ABCA13: variants seen among roughly 807,000 people sequenced by gnomAD.
ABCA13 encodes the protein ATP-binding cassette sub-family A member 13.
A neutral mutation model predicts 478.7 loss-of-function variants in ABCA13; 476 were observed. The ratio of observed to expected loss-of-function variants is 0.99; its 90% CI spans 0.92 to 1.07. ABCA13 has a LOEUF of 1.07. Among genes scored for constraint, ABCA13 ranks in the 50% least tolerant of loss-of-function variants. The pLI is 0.00. For synonymous variants in ABCA13, 2,252 were observed against 2,158.9 expected (o/e 1.04, Z -1.20); for missense variants, 6,060 against 5,910.6 (o/e 1.03, Z -0.83).
Position 48,210,868 on chromosome 7 carries a change from T to C in ABCA13, c.288-8486T>C, listed in dbSNP as rs181329254. Among the ~76,000 whole-genome samples the C allele has an allele frequency of 1.8e-3, 276 of 152,304 alleles. 1 individual carries two copies. The highest frequency in any genetic ancestry group is 4.1e-3 in the Admixed American group (63 of 15,288). ...TTTATTAGGTTCATTTCATCTATAG[T>C]GTAGATAAAATCAAATGATTCTTCA... On this transcript the variant is annotated intron_variant, in intron 3 of 61. Transcript: ENST00000435803.
intron 38 of ABCA13, among the ~76,000 whole-genome samples, chr7:48,401,865 A>G (rs1210403289): frequency 1.3e-5 from 2 of 152,202 alleles, no homozygotes; most frequent in African/African-American, 4.8e-5. Context: ...AAACAGAAGT[A>G]AAAATACAGA....
At chr7:48,191,376 G>A (rs36127502) in intron 1 of ABCA13, among the ~76,000 whole-genome samples, 39,235 of 152,014 alleles carry the variant, frequency 0.26, 5,505 homozygotes, top group East Asian at 0.49. Flanking sequence ...ATACTTCCTC[G>A]TGGAATATTT....
Position 48,619,462 on chromosome 7 carries a change from C to T in ABCA13, c.14837+4085C>T, listed in dbSNP as rs1050160276. On this transcript the variant is annotated intron_variant, in intron 59 of 61. Coordinates refer to ENST00000435803, the MANE Select transcript of ABCA13 (RefSeq NM_152701.5). ...GTCAATCAATATTAGATCTTTTGCTCGTAAAACTGAGGCTGTTTGCTTCTG... is the reference window on the plus strand; with the variant it reads ...GTCAATCAATATTAGATCTTTTGCTTGTAAAACTGAGGCTGTTTGCTTCTG... Among the ~76,000 whole-genome samples, 8 of 152,114 alleles carry T rather than the reference C, an allele frequency of 5.3e-5. 1 individual carries two copies. The South Asian group carries it at 6.2e-4, about 12-fold the overall frequency.
chr7:48,369,283 A>C (rs1443182700), intron 32 of ABCA13, among the ~76,000 whole-genome samples: 1 of 151,874 alleles, frequency 6.6e-6, no homozygotes, highest in East Asian at 1.9e-4. Flanking sequence ...TAGATTCTGG[A>C]TATTAGTCAT....
At chr7:48,252,870 G>A (rs934585830) in intron 15 of ABCA13, among the ~76,000 whole-genome samples, 2 of 151,912 alleles carry the variant, frequency 1.3e-5, no homozygotes, top group African/African-American at 4.8e-5. Flanking sequence ...TTTTATTTTG[G>A]TATGTCTTGA....
chr7:48,622,490 AGT>A (rs1265202680), intron 59 of ABCA13, among the ~76,000 whole-genome samples: 3 of 152,118 alleles, frequency 2.0e-5, no homozygotes, highest in African/African-American at 7.2e-5. Context: ...AAATCTGTAG[AGT>A]GTGTCCTAAC....
intron 43 of ABCA13, among the ~76,000 whole-genome samples, chr7:48,460,450 C>G (rs894463784): frequency 2.0e-5 from 3 of 152,140 alleles, no homozygotes; most frequent in Admixed American, 6.5e-5. Context: ...TCACTCCAGT[C>G]TCAGCCTCCT....
rs2131711809 is a variant in ABCA13 at position 48,646,122 on chromosome 7, CT to C, written c.*614del. 1 of 152,126 alleles carries C rather than the reference CT, an allele frequency of 6.6e-6. No homozygotes were observed. Among genetic ancestry groups the C allele is most frequent in the East Asian group, 1.9e-4 (1 of 5,194 alleles). The allele number at this position is 152,126 out of a possible 1,614,324, so 9.4% of individuals were successfully genotyped here. A position where few individuals can be genotyped will look rare whatever the true frequency, so the allele number is the denominator to read the frequency against. On this transcript the variant is annotated 3_prime_UTR_variant, in exon 62 of 62. Transcript: ENST00000435803. ...TTTAAAAAAATAGGTTTTAAGAGCT[CT>C]TTTAGTATACACTTTAGCAAAATTA... is the stretch of plus-strand genomic sequence containing the variant.
chr7:48,212,924 A>G (rs1785889677), intron 3 of ABCA13, among the ~76,000 whole-genome samples: 1 of 152,064 alleles, frequency 6.6e-6, no homozygotes, highest in Non-Finnish European at 1.5e-5. Context: ...ATTTTGATAA[A>G]ATATAATTTA....
chr7:48,624,345 T>C (rs10216285), intron 59 of ABCA13, among the ~76,000 whole-genome samples: 62,221 of 151,828 alleles, frequency 0.41, 13,513 homozygotes, highest in African/African-American at 0.54. Context: ...GCATGCGGCA[T>C]CTATTTGCTT....
intron 45 of ABCA13, among the ~76,000 whole-genome samples, chr7:48,476,982 C>G (rs1338841345): frequency 6.6e-6 from 1 of 152,150 alleles, no homozygotes; most frequent in Non-Finnish European, 1.5e-5. Context: ...TGCTAAGCAG[C>G]TCAGTTACAA....
chr7:48,608,499 T>A (rs1004511986), intron 58 of ABCA13, among the ~76,000 whole-genome samples: 1 of 152,226 alleles, frequency 6.6e-6, no homozygotes, highest in Non-Finnish European at 1.5e-5. Flanking sequence ...GCATGCTACA[T>A]CCACGTAATT....
chr7:48,367,323 G>GGA (rs1811833497), intron 31 of ABCA13, among the ~76,000 whole-genome samples: 1 of 152,174 alleles, frequency 6.6e-6, no homozygotes, highest in African/African-American at 2.4e-5. Flanking sequence ...TATTAGAAAT[G>GGA]GAGCCCAGTT....
chr7:48,423,933 G>T (rs1437322520), intron 41 of ABCA13, among the ~76,000 whole-genome samples: 2 of 152,192 alleles, frequency 1.3e-5, no homozygotes, highest in East Asian at 3.8e-4. Context: ...AGATTGAAAA[G>T]AATATTCTAC....
chr7:48,193,850 T>C (rs895678090), intron 2 of ABCA13, among the ~76,000 whole-genome samples: 4 of 147,580 alleles, frequency 2.7e-5, no homozygotes, highest in African/African-American at 1.0e-4. Context: ...AAGATGATGA[T>C]AGTGATGAGA....
At chr7:48,544,288 A>C (rs538553208) in intron 55 of ABCA13, among the ~76,000 whole-genome samples, 1 of 151,764 alleles carries the variant, frequency 6.6e-6, no homozygotes, top group Non-Finnish European at 1.5e-5. Context: ...CCAAGCCTAC[A>C]ACTCCTAAAA....
intron 23 of ABCA13, among the ~76,000 whole-genome samples, chr7:48,301,337 C>T (rs988687643): frequency 3.3e-5 from 5 of 151,982 alleles, no homozygotes; most frequent in Non-Finnish European, 5.9e-5. Flanking sequence ...CTGGTTCTGT[C>T]GGTTGCGACA....
rs773235132 is a variant in ABCA13, at chr7:48,410,566, G to T, written c.12117G>T (p.Ala4039=). ...FTTHHLDEAE[A]LSDRVAVLQH... Reference sequence around the variant, plus strand: ...CCCACCACCTGGATGAAGCTGAAGCGCTGAGTGACCGCGTGGCCGTCCTCC... The same window carrying T: ...CCCACCACCTGGATGAAGCTGAAGCTCTGAGTGACCGCGTGGCCGTCCTCC... Residue 4039 remains alanine (A), a synonymous_variant, in exon 40 of 62, where the codon GCG becomes GCT. Transcript: ENST00000435803. 7 of 1,614,018 alleles carry T rather than the reference G, an allele frequency of 4.3e-6. No homozygotes were observed. The South Asian group carries it at 4.4e-5, about 10-fold the overall frequency.
intron 34 of ABCA13, among the ~76,000 whole-genome samples, chr7:48,375,159 A>G (rs1255725140): frequency 6.6e-6 from 1 of 152,188 alleles, no homozygotes; most frequent in Non-Finnish European, 1.5e-5. Context: ...ATAATAGGAA[A>G]AAATGCACAA....
Sources: gnomAD v4.1 joint callset for allele counts (sites outside exome capture counted in the v4.1 genomes callset) on GRCh38, gnomAD v4.1.1 for gene constraint, MANE v1.5 for transcripts, NCBI Gene and HGNC (gene_info 2026-07-23, HGNC 2026-07-21) for gene names.